Variants in PDGFC observed in about 807,000 individuals in gnomAD.
The protein encoded by PDGFC is platelet derived growth factor C.
In PDGFC, 12 loss-of-function variants were observed where a neutral mutation model predicts 35.5. The observed-to-expected ratio is 0.34, with a 90% CI of 0.22 to 0.55. PDGFC has a LOEUF of 0.55. Ranked by LOEUF, PDGFC falls within the 20% of genes least tolerant of loss-of-function variation. PDGFC has a pLI of 0.91. For missense variants in PDGFC, 322 were observed against 412.4 expected, an observed-to-expected ratio of 0.78 and a Z score of 1.90; for synonymous variants, 159 against 148.8, an observed-to-expected ratio of 1.07 and a Z score of -0.50.
intron 1 of PDGFC, among the ~76,000 whole-genome samples, chr4:156,893,551 G>A (rs1313019202): frequency 6.6e-6 from 1 of 151,218 alleles, no homozygotes; most frequent in South Asian, 2.1e-4. Context: ...TGACCAGGAC[G>A]GTCATGAACT....
chr4:156,797,061 C>T (rs938593392), intron 3 of PDGFC, among the ~76,000 whole-genome samples: 4 of 151,864 alleles, frequency 2.6e-5, no homozygotes, highest in Non-Finnish European at 4.4e-5. Flanking sequence ...CACGGTGAAA[C>T]CCCATCTCTA....
rs879026361 is a variant in PDGFC at position 156,762,625 on chromosome 4, C to CA, written c.*464dup. On this transcript the variant is annotated 3_prime_UTR_variant, in exon 6 of 6. Transcript: ENST00000502773. ...TCTGGTTTACATATGTGAATATGAGCAAAAAAAAAAAAAAAAATCCAGATT... is the reference window on the plus strand; with the variant it reads ...TCTGGTTTACATATGTGAATATGAGCAAAAAAAAAAAAAAAAAATCCAGATT... 0.034 allele frequency: 3,545 copies of CA among 103,358 alleles called. 46 individuals carry two copies. The highest frequency in any genetic ancestry group is 0.041 in the Admixed American group (384 of 9,392). 6.4% of individuals were successfully genotyped at this position (103,358 alleles called of 1,614,324 possible).
At chr4:156,924,801 T>C (rs1287963498) in intron 1 of PDGFC, among the ~76,000 whole-genome samples, 2 of 152,148 alleles carry the variant, frequency 1.3e-5, no homozygotes, top group African/African-American at 2.4e-5. Context: ...CCAAATACTA[T>C]TGGTCACTAG....
chr4:156,777,857 C>T lies in PDGFC; in HGVS notation c.496-4964G>A, dbSNP rs191057705. On this transcript the variant is annotated intron_variant, in intron 3 of 5. Transcript: ENST00000502773. ...GTGGCTCACACCTGTAATCCCAGCA[C>T]TTCCCGAAGCCAAGGCGGGTGGATC... is the stretch of plus-strand genomic sequence containing the variant. 1.8e-4 allele frequency among the ~76,000 whole-genome samples: 28 copies of T among 152,306 alleles called. No homozygotes were observed. The East Asian group carries it at 5.4e-3, about 29-fold the overall frequency.
intron 1 of PDGFC, among the ~76,000 whole-genome samples, chr4:156,966,856 C>A (rs1732479040): frequency 6.6e-6 from 1 of 152,166 alleles, no homozygotes; most frequent in Admixed American, 6.5e-5. Flanking sequence ...CAAAGTATAT[C>A]ATCCATCCAA....
chr4:156,818,311 A>AT (rs546784837), intron 2 of PDGFC, among the ~76,000 whole-genome samples: 1 of 151,720 alleles, frequency 6.6e-6, no homozygotes, highest in Non-Finnish European at 1.5e-5. Context: ...TATTGGAACC[A>AT]TTTTTTTCTG....
At chr4:156,785,380 T>C (rs551264980) in intron 3 of PDGFC, among the ~76,000 whole-genome samples, 1 of 152,222 alleles carries the variant, frequency 6.6e-6, no homozygotes, top group East Asian at 1.9e-4. Flanking sequence ...TTTTGCACTT[T>C]GTATTTTGTA....
At chr4:156,820,006 G>C (rs1732203856) in intron 2 of PDGFC, among the ~76,000 whole-genome samples, 5 of 152,296 alleles carry the variant, frequency 3.3e-5, no homozygotes, top group Admixed American at 3.3e-4. Flanking sequence ...TGCACAGGTG[G>C]TGGAAATAGC....
intron 3 of PDGFC, among the ~76,000 whole-genome samples, chr4:156,774,841 G>A (rs142047393): frequency 1.1e-3 from 167 of 151,882 alleles, no homozygotes; most frequent in African/African-American, 3.8e-3. Context: ...TTTTAAATAA[G>A]TTTTATTTTG....
At chr4:156,970,640 A>G (rs1341889518) in intron 1 of PDGFC, 146 bp downstream of exon 1, 3 of 678,516 alleles carry the variant, frequency 4.4e-6, no homozygotes, top group East Asian at 5.0e-5. Flanking sequence ...TTAACAGTCC[A>G]TGCCAATGAA....
intron 3 of PDGFC, among the ~76,000 whole-genome samples, chr4:156,781,355 T>C (rs1730976723): frequency 1.3e-5 from 2 of 152,222 alleles, no homozygotes; most frequent in African/African-American, 4.8e-5. Context: ...TTTGCCATTG[T>C]TGTCTGAATT....
At chr4:156,779,111 C>T (rs1730911507) in intron 3 of PDGFC, 1 of 455,948 alleles carries the variant, frequency 2.2e-6, no homozygotes, top group Admixed American at 2.4e-5. Context: ...AAGCAGCAGA[C>T]AGGGCATGCA....
At chr4:156,789,642 A>T (rs1731234115) in intron 3 of PDGFC, among the ~76,000 whole-genome samples, 1 of 152,188 alleles carries the variant, frequency 6.6e-6, no homozygotes, top group Admixed American at 6.5e-5. Flanking sequence ...AGGATATATA[A>T]TCTGAAGAAG....
intron 1 of PDGFC, among the ~76,000 whole-genome samples, chr4:156,876,027 G>A (rs192410144): frequency 2.0e-4 from 31 of 152,260 alleles, no homozygotes; most frequent in Admixed American, 3.3e-4. Context: ...TTCTACCTAA[G>A]AATGACAGCT....
intron 1 of PDGFC, among the ~76,000 whole-genome samples, chr4:156,960,527 C>T (rs1024937142): frequency 2.6e-5 from 4 of 151,080 alleles, no homozygotes; most frequent in African/African-American, 9.7e-5. Flanking sequence ...AAATAGTGAA[C>T]TTTTGTTTAG....
chr4:156,910,207 A>G (rs1488143903), intron 1 of PDGFC, among the ~76,000 whole-genome samples: 1 of 152,112 alleles, frequency 6.6e-6, no homozygotes, highest in Non-Finnish European at 1.5e-5. Flanking sequence ...TGTGGTTTTT[A>G]ACTTTTTAAA....
intron 3 of PDGFC, among the ~76,000 whole-genome samples, chr4:156,795,679 T>C (rs1259070153): frequency 6.6e-6 from 1 of 152,206 alleles, no homozygotes; most frequent in African/African-American, 2.4e-5. Context: ...ATATCATGTG[T>C]TAATGTGGAC....
intron 1 of PDGFC, among the ~76,000 whole-genome samples, chr4:156,928,188 G>T (rs1294401451): frequency 1.3e-5 from 2 of 152,130 alleles, no homozygotes. Flanking sequence ...AATTCAAGAT[G>T]AGATTTGGGT....
intron 1 of PDGFC, among the ~76,000 whole-genome samples, chr4:156,923,332 G>A (rs764879537): frequency 2.0e-5 from 3 of 152,084 alleles, no homozygotes; most frequent in Non-Finnish European, 2.9e-5. Context: ...CTTTCTCATC[G>A]TTCACATCTC....
Sources: gnomAD v4.1 joint callset for allele counts (sites outside exome capture counted in the v4.1 genomes callset) on GRCh38, gnomAD v4.1.1 for gene constraint, MANE v1.5 for transcripts, NCBI Gene and HGNC (gene_info 2026-07-23, HGNC 2026-07-21) for gene names.